Variants in GAK observed in about 807,000 individuals in gnomAD.
GAK encodes cyclin-G-associated kinase.
GAK carries 79 observed loss-of-function variants against 143.9 expected under a neutral mutation model. That is an observed-to-expected ratio of 0.55 (90% confidence interval 0.46 to 0.66). GAK has a LOEUF of 0.66. GAK is among the 30% of genes least tolerant of loss of function. GAK has a pLI of 0.00. For missense variants in GAK, 1,693 were observed against 1,779.7 expected, an observed-to-expected ratio of 0.95 and a Z score of 0.88; for synonymous variants, 881 against 765.5, an observed-to-expected ratio of 1.15 and a Z score of -2.49.
chr4:887,480 G>C (rs553179896), intron 11 of GAK: 1 of 136,628 alleles, frequency 7.3e-6, no homozygotes, highest in Non-Finnish European at 1.6e-5. Context: ...ACGCACACAG[G>C]CACTTGTGTG....
chr4:859,840 C>A, intron 23 of GAK, 118 bp from the exon 24 acceptor site: 3 of 740,832 alleles, frequency 4.0e-6, no homozygotes, highest in Non-Finnish European at 6.8e-6. Context: ...TGAGAGCTGG[C>A]ACCTGCATGG....
At chr4:928,982 G>A (rs966379601) in intron 1 of GAK, among the ~76,000 whole-genome samples, 1 of 150,034 alleles carries the variant, frequency 6.7e-6, no homozygotes, top group Admixed American at 6.7e-5. Flanking sequence ...GGCTGATCTC[G>A]AACTCCCGAT....
intron 7 of GAK, among the ~76,000 whole-genome samples, chr4:895,263 C>T (rs1305304562): frequency 6.6e-6 from 1 of 152,206 alleles, no homozygotes; most frequent in African/African-American, 2.4e-5. Flanking sequence ...GAACAATCAG[C>T]GACTTCTCGT....
At chr4:924,109 T>G (rs1377717527) in intron 1 of GAK, among the ~76,000 whole-genome samples, 1 of 138,190 alleles carries the variant, frequency 7.2e-6, no homozygotes, top group Non-Finnish European at 1.5e-5. Flanking sequence ...TGTTTGAACC[T>G]GGGAGGTGGA....
At chr4:882,143 G>T in intron 14 of GAK, 103 bp from the exon 15 acceptor site, 1 of 1,269,104 alleles carries the variant, frequency 7.9e-7, no homozygotes, top group Non-Finnish European at 1.1e-6. Flanking sequence ...CAGGGACGCA[G>T]GGCTGTTCCT....
At chr4:894,138 G>A (rs1718258312) in intron 7 of GAK, 129 bp from the exon 8 acceptor site, 2 of 1,108,752 alleles carry the variant, frequency 1.8e-6, no homozygotes, top group Non-Finnish European at 2.4e-6. Flanking sequence ...GCCGTGGGGA[G>A]CGCAGGGGTG....
At chr4:883,558 G>C in intron 12 of GAK, 95 bp from the exon 13 acceptor site, 1 of 1,438,002 alleles carries the variant, frequency 7.0e-7, no homozygotes, top group East Asian at 2.3e-5. Context: ...CCCCGGGCAA[G>C]CGCAGCCTCC....
At chr4:877,270 C>A (rs1714136014) in intron 16 of GAK, 63 bp from the exon 17 acceptor site, 3 of 1,105,062 alleles carry the variant, frequency 2.7e-6, no homozygotes, top group Admixed American at 1.8e-5. Context: ...ACAAAAACAA[C>A]AAAAAACAGA....
chr4:884,234 C>A, intron 11 of GAK, 148 bp from the exon 12 acceptor site: 3 of 643,166 alleles, frequency 4.7e-6, no homozygotes, highest in Non-Finnish European at 8.2e-6. Context: ...TGTGCACAGG[C>A]GTGTGGGCAG....
Position 851,809 on chromosome 4 carries a change from G to C in GAK, c.3449C>G (p.Ala1150Gly). The change falls in exon 25 of 28, where the codon GCC becomes GGC. Residue 1150 changes from alanine to glycine, a missense_variant. Ala to Gly is a moderately conservative substitution (Grantham distance 60, BLOSUM62 0). This residue lies in a region of GAK where 822 missense variants were observed against 788.7 expected (regional missense o/e 1.04). Coordinates refer to ENST00000314167, the MANE Select transcript of GAK (RefSeq NM_005255.4). Reference protein sequence around the residue: ...KACTQPRPNYASNFSVIGARE... With the variant: ...KACTQPRPNYGSNFSVIGARE... ...CGCCCCGATCACACTGAAGTTCGAG[G>C]CATAGTTAGGCCTTGGCTGTGTGCA... is the stretch of plus-strand genomic sequence containing the variant. The C allele has an allele frequency of 1.2e-6, 2 of 1,612,298 alleles. No homozygotes were observed. The highest frequency in any genetic ancestry group is 1.7e-6 in the Non-Finnish European group (2 of 1,179,160).
rs143616792 is a variant in GAK at position 887,636 on chromosome 4, TGCA to T, written c.1205+1208_1205+1210del. 2.7e-3 allele frequency: 401 copies of T among 151,062 alleles called. 1 individual carries two copies. The highest frequency in any genetic ancestry group is 0.01 in the Middle Eastern group (3 of 286). The allele number at this position is 151,062 out of a possible 1,614,324, so 9.4% of individuals were successfully genotyped here. ...ACTCGCGCGCATGCGTACACATGCA[TGCA>T]GTTCACGTGCACTCACAGGCACTCG... On this transcript the variant is annotated intron_variant, in intron 11 of 27. Coordinates refer to ENST00000314167, the MANE Select transcript of GAK (RefSeq NM_005255.4).
chr4:876,791 T>C (rs1713995721), intron 17 of GAK, among the ~76,000 whole-genome samples, 182 bp from the exon 18 acceptor site: 1 of 152,090 alleles, frequency 6.6e-6, no homozygotes, highest in Admixed American at 6.5e-5. Context: ...CAGGTAACCC[T>C]GAGGAGAACG....
At chr4:876,361 A>G (rs1013618442) in intron 18 of GAK, among the ~76,000 whole-genome samples, 169 bp downstream of exon 18, 2 of 152,218 alleles carry the variant, frequency 1.3e-5, no homozygotes, top group African/African-American at 2.4e-5. Context: ...CCACCCCAGC[A>G]GCCTACACAC....
intron 18 of GAK, among the ~76,000 whole-genome samples, chr4:871,266 G>C (rs1712557126): frequency 6.6e-6 from 1 of 152,252 alleles, no homozygotes; most frequent in African/African-American, 2.4e-5. Context: ...AGAGCAGACG[G>C]GACAACATCC....
chr4:894,215 G>C, intron 7 of GAK: 2 of 542,174 alleles, frequency 3.7e-6, no homozygotes, highest in East Asian at 3.8e-5. Context: ...GTGACACCGG[G>C]GCCTGCGGGA....
intron 4 of GAK, among the ~76,000 whole-genome samples, chr4:909,197 G>C (rs1721597994): frequency 6.6e-6 from 1 of 152,232 alleles, no homozygotes; most frequent in Non-Finnish European, 1.5e-5. Flanking sequence ...CTTTTATAAT[G>C]AAAACTGACA....
At chr4:873,322 C>G (rs1338177547) in intron 18 of GAK, among the ~76,000 whole-genome samples, 3 of 152,166 alleles carry the variant, frequency 2.0e-5, no homozygotes, top group African/African-American at 4.8e-5. Flanking sequence ...AGCATACGGT[C>G]TCTGGGTGTT....
At chr4:930,112 A>T (rs1725422618) in intron 1 of GAK, among the ~76,000 whole-genome samples, 1 of 152,224 alleles carries the variant, frequency 6.6e-6, no homozygotes, top group Non-Finnish European at 1.5e-5. Context: ...CACCATGTTT[A>T]CACAAGACAG....
chr4:855,466 G>A (rs1350680829), intron 24 of GAK, among the ~76,000 whole-genome samples: 1 of 152,146 alleles, frequency 6.6e-6, no homozygotes, highest in African/African-American at 2.4e-5. Context: ...TGAACTCATA[G>A]TTCTAAAAGA....
Sources: allele counts gnomAD v4.1 joint callset (sites outside exome capture counted in the v4.1 genomes callset), GRCh38; gene constraint gnomAD v4.1.1; regional missense constraint gnomAD v4.1.1; transcripts MANE v1.5; gene names NCBI Gene and HGNC (gene_info 2026-07-23, HGNC 2026-07-21).